MCTP2: variants seen among roughly 807,000 people sequenced by gnomAD.
The protein encoded by MCTP2 is multiple C2 and transmembrane domain containing 2.
Under a neutral mutation model 111.6 loss-of-function variants are expected in MCTP2, and 132 were observed. That is an observed-to-expected ratio of 1.18 (90% CI 1.03 to 1.37). The LOEUF is 1.37. MCTP2 is among the 40% of genes most tolerant of loss of function. The probability of loss-of-function intolerance (pLI) is 0.00; values close to 1 mark genes in which losing one functional copy is unlikely to be tolerated. For missense variants in MCTP2, 1,183 were observed against 1,067.9 expected (o/e 1.11, Z -1.50); for synonymous variants, 395 against 387.7 (o/e 1.02, Z -0.22).
chr15:94,421,645 A>T (rs1300348579), intron 17 of MCTP2, among the ~76,000 whole-genome samples: 1 of 151,764 alleles, frequency 6.6e-6, no homozygotes, highest in East Asian at 1.9e-4. Context: ...CTGTCACATC[A>T]CTCTGACCTT....
intron 15 of MCTP2, among the ~76,000 whole-genome samples, chr15:94,399,330 G>A (rs2081438712): frequency 6.6e-6 from 1 of 152,200 alleles, no homozygotes; most frequent in South Asian, 2.1e-4. Context: ...AAAATATTTC[G>A]GTTAAGGAAT....
At chr15:94,455,711 C>T (rs1362703673) in intron 19 of MCTP2, among the ~76,000 whole-genome samples, 1 of 152,180 alleles carries the variant, frequency 6.6e-6, no homozygotes, top group Non-Finnish European at 1.5e-5. Flanking sequence ...AGGCGTGAGC[C>T]ACCATGCCCA....
At chr15:94,354,501 C>T (rs944150033) in intron 8 of MCTP2, among the ~76,000 whole-genome samples, 2 of 152,210 alleles carry the variant, frequency 1.3e-5, no homozygotes, top group Middle Eastern at 3.4e-3. Flanking sequence ...CTTCCTGCCG[C>T]CTTGTGAAGA....
chr15:94,289,977 C>T lies in MCTP2; in HGVS notation c.-65-8224C>T, dbSNP rs150513424. Among the ~76,000 whole-genome samples the T allele has an allele frequency of 5.4e-3, 820 of 152,258 alleles. 12 individuals carry two copies. Among genetic ancestry groups the T allele is most frequent in the African/African-American group, 0.019 (782 of 41,544 alleles). On this transcript the variant is annotated intron_variant, in intron 1 of 22. Coordinates refer to ENST00000357742, the MANE Select transcript of MCTP2 (RefSeq NM_001385001.1). Reference sequence around the variant, plus strand: ...GCATCAATGAGAGAGACTTAACTCACTGTTTCTGGCTTTGAAGATGGAGAA... The same window carrying T: ...GCATCAATGAGAGAGACTTAACTCATTGTTTCTGGCTTTGAAGATGGAGAA...
At chr15:94,464,196 T>C (rs1296122291) in intron 20 of MCTP2, among the ~76,000 whole-genome samples, 1 of 139,016 alleles carries the variant, frequency 7.2e-6, no homozygotes, top group Non-Finnish European at 1.6e-5. Flanking sequence ...GAAGTTTTCC[T>C]TTGGAGATGA....
At chr15:94,302,376 A>G (rs898502126) in intron 2 of MCTP2, among the ~76,000 whole-genome samples, 1 of 152,164 alleles carries the variant, frequency 6.6e-6, no homozygotes, top group African/African-American at 2.4e-5. Context: ...AAGAAAGTGA[A>G]ATGTTAGTCT....
chr15:94,281,229 T>C (rs2074468034), intron 1 of MCTP2, among the ~76,000 whole-genome samples: 1 of 152,234 alleles, frequency 6.6e-6, no homozygotes, highest in African/African-American at 2.4e-5. Context: ...GCTTGTTTTA[T>C]GAATCTGGCT....
chr15:94,453,403 C>T (rs2084593585), intron 19 of MCTP2, among the ~76,000 whole-genome samples: 2 of 152,350 alleles, frequency 1.3e-5, no homozygotes, highest in Non-Finnish European at 1.5e-5. Flanking sequence ...CTTCTTGCTT[C>T]AGGCAGTGGT....
At chr15:94,413,109 T>G (rs1164384247) in intron 17 of MCTP2, among the ~76,000 whole-genome samples, 3 of 152,160 alleles carry the variant, frequency 2.0e-5, no homozygotes, top group African/African-American at 4.8e-5. Context: ...AACAAATAGC[T>G]TGGCAATCGC....
chr15:94,282,710 G>A (rs1264100959), intron 1 of MCTP2, among the ~76,000 whole-genome samples: 1 of 152,178 alleles, frequency 6.6e-6, no homozygotes, highest in African/African-American at 2.4e-5. Context: ...TTTTGATGGG[G>A]CTTTTTGCTT....
chr15:94,436,687 CAT>C (rs1192589959), intron 17 of MCTP2, among the ~76,000 whole-genome samples: 1 of 152,128 alleles, frequency 6.6e-6, no homozygotes, highest in Non-Finnish European at 1.5e-5. Flanking sequence ...CAAAGACATA[CAT>C]AGTTTTATAA....
intron 1 of MCTP2, among the ~76,000 whole-genome samples, chr15:94,254,399 A>G (rs2072635337): frequency 6.6e-6 from 1 of 152,194 alleles, no homozygotes; most frequent in African/African-American, 2.4e-5. Context: ...ACTAATACAT[A>G]CTGGCTGACA....
chr15:94,448,250 A>T (rs1213746829), intron 19 of MCTP2, among the ~76,000 whole-genome samples: 1 of 152,226 alleles, frequency 6.6e-6, no homozygotes, highest in Admixed American at 6.5e-5. Context: ...AACCTTATTC[A>T]GAGCATCCTG....
intron 17 of MCTP2, among the ~76,000 whole-genome samples, chr15:94,417,370 T>C (rs1466243546): frequency 2.6e-5 from 4 of 152,132 alleles, no homozygotes; most frequent in Non-Finnish European, 2.9e-5. Context: ...AGTGCTTCAG[T>C]AGTTTTCTTT....
At chr15:94,377,553 C>G (rs2079844965) in intron 12 of MCTP2, among the ~76,000 whole-genome samples, 1 of 152,180 alleles carries the variant, frequency 6.6e-6, no homozygotes, top group South Asian at 2.1e-4. Context: ...CATGAATTAA[C>G]AGAGGAATCG....
At chr15:94,358,057 A>G (rs1325246242) in intron 9 of MCTP2, among the ~76,000 whole-genome samples, 1 of 152,224 alleles carries the variant, frequency 6.6e-6, no homozygotes, top group East Asian at 1.9e-4. Flanking sequence ...TTAAGACCCT[A>G]AACTGTTAAT....
chr15:94,345,002 G>A (rs2077890364), intron 7 of MCTP2, 127 bp from the exon 8 acceptor site: 3 of 1,099,774 alleles, frequency 2.7e-6, no homozygotes, highest in Non-Finnish European at 4.0e-6. Flanking sequence ...TATAACCTCA[G>A]AACTTGGATA....
At chr15:94,398,720 A>G (rs2117214) in intron 14 of MCTP2, among the ~76,000 whole-genome samples, 74,639 of 152,002 alleles carry the variant, frequency 0.49, 20,849 homozygotes, top group Middle Eastern at 0.65. Flanking sequence ...TTGCACCAAT[A>G]TTTTTCATCC....
chr15:94,443,960 G>A lies in MCTP2; in HGVS notation c.2250+1000G>A, dbSNP rs182304068. Among the ~76,000 whole-genome samples the A allele has an allele frequency of 2.4e-3, 247 of 103,202 alleles. 3 individuals carry two copies. In the Middle Eastern group the frequency reaches 0.057, roughly 24 times the overall value. The allele number at this position is 103,202 out of a possible 152,430, so 67.7% of individuals were successfully genotyped here. ...GTCAAAGGGAAGCTAAGTTAATAAG[G>A]TTTATAATGGGATATTTTACCAAAA... is the stretch of plus-strand genomic sequence containing the variant. On this transcript the variant is annotated intron_variant, in intron 19 of 22. Coordinates refer to ENST00000357742, the MANE Select transcript of MCTP2 (RefSeq NM_001385001.1).
Sources: gnomAD v4.1 joint callset for allele counts (sites outside exome capture counted in the v4.1 genomes callset) on GRCh38, gnomAD v4.1.1 for gene constraint, MANE v1.5 for transcripts, NCBI Gene and HGNC (gene_info 2026-07-23, HGNC 2026-07-21) for gene names.